EBNA1BP2: variants seen among roughly 807,000 people sequenced by gnomAD.
The protein encoded by EBNA1BP2 is probable rRNA-processing protein EBP2.
In EBNA1BP2, 36 loss-of-function variants were observed where a neutral mutation model predicts 43.5. The ratio of observed to expected loss-of-function variants is 0.83; its 90% confidence interval spans 0.63 to 1.09. The LOEUF is 1.09. EBNA1BP2 is among the 50% of genes least tolerant of loss of function. The pLI, the probability that EBNA1BP2 is intolerant of heterozygous loss-of-function variation, is 0.00. For missense variants in EBNA1BP2, 332 were observed against 379.1 expected (o/e 0.88, Z 1.03); for synonymous variants, 127 against 141.3 (o/e 0.90, Z 0.72).
rs1400727321 is a variant in EBNA1BP2 at position 43,171,898 on chromosome 1, G to C, written c.138C>G (p.Ala46=). Residue 46 remains alanine, a synonymous_variant, in exon 2 of 9, where the codon GCC becomes GCG. Coordinates refer to ENST00000236051, the MANE Select transcript of EBNA1BP2 (RefSeq NM_006824.3). ...LNVVLEGPKK[A]VNDVNGLKQC... Reference sequence around the variant, plus strand: ...TGCCCACGCTCACCACGTCGTTCACGGCCTTCTTCGGCCCCTCTAGCACGA... The same window carrying C: ...TGCCCACGCTCACCACGTCGTTCACCGCCTTCTTCGGCCCCTCTAGCACGA... 2 of 1,614,034 alleles carry C rather than the reference G, an allele frequency of 1.2e-6. No homozygotes were observed. The highest frequency in any genetic ancestry group is 1.7e-5 in the Admixed American group (1 of 60,020).
intron 4 of EBNA1BP2, among the ~76,000 whole-genome samples, chr1:43,169,855 G>A (rs1052173527): frequency 6.6e-5 from 10 of 152,262 alleles, no homozygotes; most frequent in African/African-American, 1.4e-4. Context: ...TGGTGGTGGC[G>A]TTAAATTCTC....
chr1:43,169,467 CAGTG>C (rs775870438), intron 4 of EBNA1BP2, among the ~76,000 whole-genome samples: 6 of 152,116 alleles, frequency 3.9e-5, no homozygotes, highest in East Asian at 1.9e-4. Flanking sequence ...GAGAAGTTGT[CAGTG>C]AGAATTTGTA....
chr1:43,171,996 CA>C (rs755129068), intron 1 of EBNA1BP2, 27 bp from the exon 2 acceptor site: 6 of 1,614,028 alleles, frequency 3.7e-6, no homozygotes, highest in Non-Finnish European at 5.1e-6. Context: ...CGGTCACTCC[CA>C]GGGGTGTAAG....
chr1:43,169,079 C>T (rs1644936352), intron 4 of EBNA1BP2, 51 bp from the exon 5 acceptor site: 2 of 1,571,904 alleles, frequency 1.3e-6, no homozygotes, highest in Admixed American at 3.3e-5. Context: ...GGAATGACCA[C>T]TACTTAGGAT....
chr1:43,171,879 C>T lies in EBNA1BP2; in HGVS notation c.150+7G>A. The T allele has an allele frequency of 6.2e-7, 1 of 1,613,756 alleles. No homozygotes were observed. The highest frequency in any genetic ancestry group is 8.5e-7 in the Non-Finnish European group (1 of 1,179,814). ...CCGAGTACCCCCGACCCTGTGCCCACGCTCACCACGTCGTTCACGGCCTTC... is the reference window on the plus strand; with the variant it reads ...CCGAGTACCCCCGACCCTGTGCCCATGCTCACCACGTCGTTCACGGCCTTC... On this transcript the variant is annotated splice_region_variant and intron_variant, in intron 2 of 8. Coordinates refer to ENST00000236051, the MANE Select transcript of EBNA1BP2 (RefSeq NM_006824.3).
chr1:43,172,164 C>T lies in EBNA1BP2; in HGVS notation c.-46G>A, dbSNP rs747538568. 1 of 1,613,302 alleles carries T rather than the reference C, an allele frequency of 6.2e-7. No individual in the cohort carries two copies. The highest frequency in any genetic ancestry group is 2.2e-5 in the East Asian group (1 of 44,842). On this transcript the variant is annotated 5_prime_UTR_variant, in exon 1 of 9. Coordinates refer to ENST00000236051, the MANE Select transcript of EBNA1BP2 (RefSeq NM_006824.3). ...CACCTACAGGAAGAAACGGGGTATCCCGAGACCCAAGCGGCTAGCAGAGGG... is the reference window on the plus strand; with the variant it reads ...CACCTACAGGAAGAAACGGGGTATCTCGAGACCCAAGCGGCTAGCAGAGGG...
In EBNA1BP2 at chr1:43,171,736, G is replaced by C. The variant is rs773418993; in HGVS notation, c.151-85C>G. Reference sequence around the variant, plus strand: ...ACAGGCTGTTAGGCGAAGGGACAAAGTGCTAATCCCCAATACCCAGACAGG... The same window carrying C: ...ACAGGCTGTTAGGCGAAGGGACAAACTGCTAATCCCCAATACCCAGACAGG... On this transcript the variant is annotated intron_variant, in intron 2 of 8. Coordinates refer to ENST00000236051, the MANE Select transcript of EBNA1BP2 (RefSeq NM_006824.3). The C allele has an allele frequency of 1.4e-5, 22 of 1,573,750 alleles. No homozygotes were observed. In the Admixed American group the frequency reaches 3.9e-4, roughly 28 times the overall value.
In EBNA1BP2 at chr1:43,171,558, C is replaced by G. The variant is rs1250351215; in HGVS notation, c.244G>C (p.Gly82Arg). 1 of 1,614,206 alleles carries G rather than the reference C, an allele frequency of 6.2e-7. No homozygotes were observed. Among genetic ancestry groups the G allele is most frequent in the South Asian group, 1.1e-5 (1 of 91,082 alleles). The change falls in exon 3 of 9, where the codon GGA becomes CGA. Residue 82 changes from glycine to arginine, a missense_variant. Physicochemically the swap from Gly to Arg is moderately radical, Grantham distance 125 (BLOSUM62 -2). Around this residue, in one of 3 missense-constraint regions of EBNA1BP2, gnomAD observed 182 missense variants for 173.7 expected, o/e 1.05. Coordinates refer to ENST00000236051, the MANE Select transcript of EBNA1BP2 (RefSeq NM_006824.3). ...VTLGPVPEIG[G>R]SEAPAPQNKD... ...TTCTGAGGTGCTGGCGCCTCAGATC[C>G]ACCGATCTCCGGTACCGGACCCAGT...
intron 5 of EBNA1BP2, among the ~76,000 whole-genome samples, chr1:43,168,694 T>C (rs1447640676): frequency 1.3e-5 from 2 of 152,148 alleles, no homozygotes; most frequent in Non-Finnish European, 2.9e-5. Context: ...CTGGACCCAG[T>C]GTACAGATGT....
chr1:43,171,721 A>G, intron 2 of EBNA1BP2, 70 bp from the exon 3 acceptor site: 1 of 1,584,864 alleles, frequency 6.3e-7, no homozygotes, highest in African/African-American at 1.3e-5. Context: ...ACAGGCTGTT[A>G]GGCGAAGGGA....
chr1:43,172,520 G>T (rs962059846), upstream of EBNA1BP2: 99 of 1,289,274 alleles, frequency 7.7e-5, no homozygotes, highest in Non-Finnish European at 9.7e-5. Flanking sequence ...GGAAAAGGCA[G>T]AAAAAGGAGC....
At chr1:43,165,523 T>G (rs114340870) in intron 7 of EBNA1BP2, among the ~76,000 whole-genome samples, 1,578 of 152,342 alleles carry the variant, frequency 0.01, 28 homozygotes, top group African/African-American at 0.036. Context: ...AATCCTTATC[T>G]CGACTTTTGC....
chr1:43,171,054 C>A, intron 3 of EBNA1BP2, 175 bp from the exon 4 acceptor site: 1 of 918,708 alleles, frequency 1.1e-6, no homozygotes, highest in Non-Finnish European at 1.5e-6. Context: ...GAAATGTAGC[C>A]GTATACTAGT....
chr1:43,172,311 G>C (rs770695211), upstream of EBNA1BP2: 8 of 1,551,724 alleles, frequency 5.2e-6, no homozygotes, highest in South Asian at 1.2e-5. Flanking sequence ...TGGGACTTCC[G>C]CTTCCGGCGG....
intron 4 of EBNA1BP2, among the ~76,000 whole-genome samples, chr1:43,169,741 C>T (rs974324095): frequency 2.0e-5 from 3 of 152,164 alleles, no homozygotes; most frequent in Admixed American, 6.5e-5. Flanking sequence ...CAGACCGCTA[C>T]GAACCCACTA....
At chr1:43,171,222 T>C (rs532974253) in intron 3 of EBNA1BP2, 125 of 490,726 alleles carry the variant, frequency 2.5e-4, no homozygotes, top group Non-Finnish European at 4.0e-4. Context: ...TTTGTTTGTT[T>C]TCCTAATAAC....
At chr1:43,171,730 G>A (rs1644975570) in intron 2 of EBNA1BP2, 79 bp from the exon 3 acceptor site, 2 of 1,578,652 alleles carry the variant, frequency 1.3e-6, no homozygotes, top group Admixed American at 1.8e-5. Flanking sequence ...TAGGCGAAGG[G>A]ACAAAGTGCT....
chr1:43,171,127 C>CATTA, intron 3 of EBNA1BP2: 1 of 492,724 alleles, frequency 2.0e-6, no homozygotes, highest in Non-Finnish European at 3.3e-6. Flanking sequence ...TAAAGGTACC[C>CATTA]ATTAACACAA....
chr1:43,167,126 G>C, intron 6 of EBNA1BP2, 34 bp downstream of exon 6: 3 of 1,601,028 alleles, frequency 1.9e-6, no homozygotes, highest in Non-Finnish European at 2.6e-6. Context: ...TAAAGTACCT[G>C]CTACCCTCGT....
Sources: gnomAD v4.1 joint callset for allele counts (sites outside exome capture counted in the v4.1 genomes callset) on GRCh38, gnomAD v4.1.1 for gene constraint, gnomAD v4.1.1 regional missense constraint, MANE v1.5 for transcripts, NCBI Gene and HGNC (gene_info 2026-07-23, HGNC 2026-07-21) for gene names.